The following YEATS2 variants were observed in gnomAD, a reference collection of about 807,000 sequenced individuals.
The protein encoded by YEATS2 is YEATS domain containing 2.
YEATS2 carries 77 observed loss-of-function variants against 163.2 expected under a neutral mutation model. The ratio of observed to expected loss-of-function variants is 0.47; its 90% CI spans 0.39 to 0.57. The LOEUF is 0.57. Ranked by LOEUF, YEATS2 falls within the 20% of genes least tolerant of loss-of-function variation. YEATS2 has a pLI of 0.00. For synonymous variants in YEATS2, 631 were observed against 645.1 expected, an observed-to-expected ratio of 0.98 and a Z score of 0.33; for missense variants, 1,549 against 1,729.8, an observed-to-expected ratio of 0.90 and a Z score of 1.85.
In YEATS2 at chr3:183,715,179, G is replaced by A. The variant is rs138709666; in HGVS notation, c.17G>A (p.Arg6Gln). Reference protein sequence around the residue: MSGIKRTIKETDPDYE... With the variant: MSGIKQTIKETDPDYE... ...AATGTCATCATGTCTGGAATCAAGC[G>A]AACCATCAAAGAAACCGACCCTGAT... The change falls in exon 2 of 31, where the codon CGA becomes CAA. Residue 6 changes from arginine (R) to glutamine (Q), a missense_variant. By Grantham distance (43) the Arg-to-Gln change is conservative. Coordinates refer to ENST00000305135, the MANE Select transcript of YEATS2 (RefSeq NM_018023.5). The A allele has an allele frequency of 9.6e-4, 1,541 of 1,612,818 alleles. 30 individuals carry two copies. The Admixed American group carries it at 0.024, about 25-fold the overall frequency.
At chr3:183,712,213 T>TG (rs1305109612) in intron 1 of YEATS2, among the ~76,000 whole-genome samples, 7,678 of 145,704 alleles carry the variant, frequency 0.053, 1,019 homozygotes, top group African/African-American at 0.2. Flanking sequence ...TTTTATTTTA[T>TG]TTTATTTTAT....
At chr3:183,794,602 T>C (rs1223038856) in intron 21 of YEATS2, among the ~76,000 whole-genome samples, 5 of 152,198 alleles carry the variant, frequency 3.3e-5, no homozygotes, top group Admixed American at 2.0e-4. Flanking sequence ...GGTGAAAATA[T>C]TCTAAGTGTT....
intron 8 of YEATS2, among the ~76,000 whole-genome samples, chr3:183,743,825 G>T (rs1196978366): frequency 6.6e-6 from 1 of 152,092 alleles, no homozygotes; most frequent in African/African-American, 2.4e-5. Flanking sequence ...CCAAAACTGG[G>T]CTAACTGAAG....
chr3:183,715,632 T>C (rs1715772020), intron 2 of YEATS2, among the ~76,000 whole-genome samples: 1 of 152,174 alleles, frequency 6.6e-6, no homozygotes, highest in Non-Finnish European at 1.5e-5. Context: ...TTAATGTATA[T>C]AGAAAAAAGA....
At chr3:183,772,912 C>T (rs147518507) in intron 16 of YEATS2, among the ~76,000 whole-genome samples, 24 of 152,258 alleles carry the variant, frequency 1.6e-4, no homozygotes, top group East Asian at 1.2e-3. Flanking sequence ...GTACTGTTTA[C>T]GTATAACCTA....
At chr3:183,731,348 T>A (rs1163121817) in intron 7 of YEATS2, among the ~76,000 whole-genome samples, 1 of 150,796 alleles carries the variant, frequency 6.6e-6, no homozygotes, top group African/African-American at 2.4e-5. Context: ...TTTTTGTAGG[T>A]AGGTACAGTA....
chr3:183,761,722 T>C, intron 14 of YEATS2, 108 bp downstream of exon 14: 2 of 1,020,928 alleles, frequency 2.0e-6, no homozygotes, highest in South Asian at 1.4e-5. Context: ...GGGTCTCAAC[T>C]CCTCATTCTG....
At chr3:183,805,930 C>T (rs557464865) in intron 27 of YEATS2, among the ~76,000 whole-genome samples, 5 of 152,182 alleles carry the variant, frequency 3.3e-5, no homozygotes, top group African/African-American at 1.2e-4. Context: ...GTGTAAGCTA[C>T]TCGGAGAGCA....
chr3:183,782,454 G>A (rs562299678), intron 19 of YEATS2, among the ~76,000 whole-genome samples: 5 of 151,570 alleles, frequency 3.3e-5, no homozygotes, highest in East Asian at 3.9e-4. Context: ...ATGACGTCTC[G>A]CTCGTGTCCC....
At chr3:183,706,547 A>T (rs1480444047) in intron 1 of YEATS2, among the ~76,000 whole-genome samples, 1 of 152,126 alleles carries the variant, frequency 6.6e-6, no homozygotes, top group Non-Finnish European at 1.5e-5. Flanking sequence ...TCTAACCTAC[A>T]CTCTTATTAA....
At chr3:183,782,163 G>A (rs756900379) in intron 19 of YEATS2, among the ~76,000 whole-genome samples, 55 of 151,972 alleles carry the variant, frequency 3.6e-4, no homozygotes, top group Non-Finnish European at 5.4e-4. Context: ...AGGCTGGAGT[G>A]CAGTGGTGCG....
In YEATS2 at chr3:183,745,144, C is replaced by G. The variant is rs1003594085; in HGVS notation, c.925-2528C>G. ...GGATTATAGGCGTGAGCCACCGCGC[C>G]CTGGCCCCTGCCCACTATTCCTAGG... On this transcript the variant is annotated intron_variant, in intron 8 of 30. Coordinates refer to ENST00000305135, the MANE Select transcript of YEATS2 (RefSeq NM_018023.5). 3.3e-5 allele frequency among the ~76,000 whole-genome samples: 5 copies of G among 152,222 alleles called. No individual in the cohort carries two copies. In the East Asian group the frequency reaches 7.7e-4, roughly 23 times the overall value.
At chr3:183,721,763 G>A in intron 4 of YEATS2, 128 bp from the exon 5 acceptor site, 1 of 1,229,002 alleles carries the variant, frequency 8.1e-7, no homozygotes, top group Non-Finnish European at 1.1e-6. Flanking sequence ...TCATTTTATG[G>A]ATGTGGGGAG....
At chr3:183,710,307 G>A (rs1715065603) in intron 1 of YEATS2, among the ~76,000 whole-genome samples, 1 of 152,162 alleles carries the variant, frequency 6.6e-6, no homozygotes, top group African/African-American at 2.4e-5. Flanking sequence ...GTTATCATTG[G>A]TCATTTGTTA....
chr3:183,780,510 T>C (rs986614539), intron 19 of YEATS2, among the ~76,000 whole-genome samples: 1 of 152,248 alleles, frequency 6.6e-6, no homozygotes, highest in Non-Finnish European at 1.5e-5. Context: ...GCTCCTCAAC[T>C]AGTTTTTGAA....
intron 9 of YEATS2, 29 bp downstream of exon 9, chr3:183,747,745 G>C (rs370619715): frequency 5.3e-5 from 84 of 1,594,074 alleles, no homozygotes; most frequent in Admixed American, 6.7e-5. Context: ...GTATTATCTG[G>C]GAATGAGTAG....
chr3:183,701,069 G>A (rs797002966), intron 1 of YEATS2, among the ~76,000 whole-genome samples: 46 of 150,918 alleles, frequency 3.0e-4, no homozygotes, highest in East Asian at 1.8e-3. Context: ...GTGTGTGTGT[G>A]TGTATATATA....
intron 1 of YEATS2, among the ~76,000 whole-genome samples, chr3:183,707,710 G>T (rs1278867509): frequency 8.1e-6 from 1 of 123,696 alleles, no homozygotes; most frequent in Non-Finnish European, 1.6e-5. Flanking sequence ...TTGAGACGAA[G>T]TCTCACTCTG....
At chr3:183,753,038 T>C (rs1036749426) in intron 10 of YEATS2, among the ~76,000 whole-genome samples, 1 of 152,014 alleles carries the variant, frequency 6.6e-6, no homozygotes, top group African/African-American at 2.4e-5. Flanking sequence ...CCTCAGGTGA[T>C]CCACCCACCT....
Sources: gnomAD v4.1 joint callset for allele counts (sites outside exome capture counted in the v4.1 genomes callset) on GRCh38, gnomAD v4.1.1 for gene constraint, MANE v1.5 for transcripts, NCBI Gene and HGNC (gene_info 2026-07-23, HGNC 2026-07-21) for gene names.